YJEFN3: variants seen among roughly 807,000 people sequenced by gnomAD.
YJEFN3 encodes the protein yjeF N-terminal domain-containing protein 3.
Under a neutral mutation model 31.5 loss-of-function variants are expected in YJEFN3, and 29 were observed. The observed-to-expected ratio is 0.92, with a 90% CI of 0.69 to 1.26. The LOEUF (loss-of-function observed/expected upper bound fraction) is 1.26, where lower values mean the gene tolerates loss of function less well. YJEFN3 is among the 50% of genes most tolerant of loss of function. YJEFN3 has a pLI of 0.00. For synonymous variants in YJEFN3, 227 were observed against 196.1 expected, an observed-to-expected ratio of 1.16 and a Z score of -1.32; for missense variants, 442 against 425.4, an observed-to-expected ratio of 1.04 and a Z score of -0.34.
rs1293504043 is a variant in YJEFN3, at chr19:19,533,798, A to G, written c.318+1058A>G. On this transcript the variant is annotated intron_variant, in intron 3 of 6. Transcript: ENST00000514277. ...TCAAAACCCCAGAAAGAAACCCAGT[A>G]GTCACTACTCGCCTGGCGCTCAGTG... 2 of 985,378 alleles carry G rather than the reference A, an allele frequency of 2.0e-6. 1 individual carries two copies. Among genetic ancestry groups the G allele is most frequent in the Middle Eastern group, 1.0e-3 (2 of 1,936 alleles). 61.0% of individuals were successfully genotyped at this position (985,378 alleles called of 1,614,324 possible).
chr19:19,530,833 A>C (rs552453634), intron 2 of YJEFN3, among the ~76,000 whole-genome samples: 86 of 152,250 alleles, frequency 5.6e-4, no homozygotes, highest in African/African-American at 2.0e-3. Context: ...GGGGTGTCCC[A>C]GGGCATGTGA....
intron 2 of YJEFN3, among the ~76,000 whole-genome samples, chr19:19,531,719 T>A (rs1020957928): frequency 2.7e-5 from 1 of 36,784 alleles, no homozygotes; most frequent in African/African-American, 1.9e-4. Context: ...ACAAATAACC[T>A]TTTTTTTTTT....
intron 2 of YJEFN3, among the ~76,000 whole-genome samples, chr19:19,530,148 C>G (rs1351752827): frequency 6.6e-6 from 1 of 152,172 alleles, no homozygotes; most frequent in Non-Finnish European, 1.5e-5. Context: ...AAGCCCCCTC[C>G]TGGAAGCATT....
chr19:19,529,319 A>ACCGAACCCCAACCGTGG, intron 1 of YJEFN3, 45 bp from the exon 2 acceptor site: 6 of 1,553,724 alleles, frequency 3.9e-6, no homozygotes, highest in Non-Finnish European at 5.2e-6. Context: ...TCGCTCCCCC[A>ACCGAACCCCAACCGTGG]CCGAACCCCA....
Position 19,535,533 on chromosome 19 carries a change from A to G in YJEFN3, c.548A>G (p.Gln183Arg), listed in dbSNP as rs768905187. 1 of 1,603,932 alleles carries G rather than the reference A, an allele frequency of 6.2e-7. No individual in the cohort carries two copies. Among genetic ancestry groups the G allele is most frequent in the Non-Finnish European group, 8.5e-7 (1 of 1,173,746 alleles). ...PFLSYLPTEV[Q>R]LINEAYGLVV... ...GACCCTGCCTGCCTTCCCCAGGTGC[A>G]GCTCATTAACGAAGCCTATGGGCTG... Residue 183 changes from glutamine (Q) to arginine (R), a missense_variant, in exon 6 of 7, where the codon CAG (glutamine) becomes CGG (arginine). Gln to Arg is a conservative substitution (Grantham distance 43, BLOSUM62 1). Transcript: ENST00000514277.
At chr19:19,532,222 G>A (rs1283081671) in intron 2 of YJEFN3, among the ~76,000 whole-genome samples, 5 of 152,204 alleles carry the variant, frequency 3.3e-5, no homozygotes, top group African/African-American at 1.2e-4. Flanking sequence ...CTTGTTCCGT[G>A]GCTCCCACTG....
chr19:19,537,466 G>A lies in YJEFN3; in HGVS notation c.842G>A (p.Arg281His). The change falls in exon 7 of 7, where the codon CGC (arginine) becomes CAC (histidine). Residue 281 changes from arginine (R) to histidine (H), a missense_variant. Physicochemically the swap from Arg to His is conservative, Grantham distance 29. Transcript: ENST00000514277. Reference sequence around the variant, plus strand: ...AGGTTCGTGCCCGATGACGTGCGCCGCAAGTTCGCTCTGCGCCTGCCGGGA... The same window carrying A: ...AGGTTCGTGCCCGATGACGTGCGCCACAAGTTCGCTCTGCGCCTGCCGGGA... The part of the protein sequence containing the change: ...AGRFVPDDVR[R>H]KFALRLPGYT... 6 of 1,586,026 alleles carry A rather than the reference G, an allele frequency of 3.8e-6. No homozygotes were observed. Among genetic ancestry groups the A allele is most frequent in the South Asian group, 2.2e-5 (2 of 89,098 alleles).
chr19:19,533,276 T>G (rs570608021), intron 3 of YJEFN3: 1 of 985,928 alleles, frequency 1.0e-6, no homozygotes, highest in Non-Finnish European at 1.2e-6. Context: ...TGCTTCACCG[T>G]GCAGCCAGCA....
chr19:19,529,055 G>T, intron 1 of YJEFN3, 64 bp downstream of exon 1: 1 of 1,540,998 alleles, frequency 6.5e-7, no homozygotes, highest in Non-Finnish European at 8.8e-7. Flanking sequence ...GCAGCCCGTA[G>T]GACCGGAGGC....
intron 3 of YJEFN3, chr19:19,533,640 CCCT>C (rs892528131): frequency 1.4e-5 from 14 of 984,026 alleles, no homozygotes; most frequent in Admixed American, 6.2e-5. Context: ...CCCTCCTCAC[CCCT>C]CCTCCTCTTT....
chr19:19,533,681 T>A (rs1325417377), intron 3 of YJEFN3: 2 of 985,386 alleles, frequency 2.0e-6, no homozygotes, highest in Non-Finnish European at 1.2e-6. Flanking sequence ...GTATACTTTT[T>A]AAAAACTCAA....
rs2061126594 is a variant in YJEFN3 at position 19,529,002 on chromosome 19, G to A, written c.59+11G>A. On this transcript the variant is annotated intron_variant, in intron 1 of 6. Transcript: ENST00000514277. ...GCGGCATTTCCTCAGGTCAGCTGGG[G>A]AGAGGGAAGCTGGAGACGGGCATGG... The A allele has an allele frequency of 1.9e-6, 3 of 1,550,758 alleles. No homozygotes were observed. The African/African-American group carries it at 4.1e-5, about 21-fold the overall frequency.
chr19:19,536,738 G>A (rs1001830420), intron 6 of YJEFN3, among the ~76,000 whole-genome samples: 5 of 152,104 alleles, frequency 3.3e-5, no homozygotes, highest in Admixed American at 3.3e-4. Context: ...TTGGGAGGCC[G>A]AGGTGGGCAG....
chr19:19,528,952 C>G lies in YJEFN3; in HGVS notation c.20C>G (p.Pro7Arg). Residue 7 changes from proline to arginine, a missense_variant, in exon 1 of 7, where the codon CCA (proline) becomes CGA (arginine). Transcript: ENST00000514277. MSSAAG[P>R]DPSEAPEERH... is the part of the protein sequence containing the mutation. ...TCGGCCATGAGCAGCGCAGCCGGCC[C>G]AGACCCGTCGGAGGCGCCCGAAGAG... The G allele has an allele frequency of 6.5e-7, 1 of 1,549,724 alleles. No individual in the cohort carries two copies. Among genetic ancestry groups the G allele is most frequent in the Non-Finnish European group, 8.7e-7 (1 of 1,146,632 alleles).
rs769635060 is a variant in YJEFN3 at position 19,529,531 on chromosome 19, C to G, written c.209+18C>G. 6.8e-6 allele frequency: 11 copies of G among 1,609,564 alleles called. No homozygotes were observed. The African/African-American group carries it at 1.3e-4, about 20-fold the overall frequency. On this transcript the variant is annotated intron_variant, in intron 2 of 6. Coordinates refer to ENST00000514277, the MANE Select transcript of YJEFN3 (RefSeq NM_198537.4). ...TGCCAGAGGTTGGTGAGTTTGGGATCTAGAACTGGCGCCGTGGCTGTGACT... is the reference window on the plus strand; with the variant it reads ...TGCCAGAGGTTGGTGAGTTTGGGATGTAGAACTGGCGCCGTGGCTGTGACT...
chr19:19,530,819 T>G (rs2061148469), intron 2 of YJEFN3, among the ~76,000 whole-genome samples: 1 of 152,196 alleles, frequency 6.6e-6, no homozygotes, highest in Non-Finnish European at 1.5e-5. Context: ...TGGCTCTGTT[T>G]ACTGGGGTGT....
intron 2 of YJEFN3, 150 bp from the exon 3 acceptor site, chr19:19,532,481 TC>T (rs2061167192): frequency 2.0e-6 from 1 of 497,268 alleles, no homozygotes; most frequent in Admixed American, 4.2e-5. Flanking sequence ...ACTGAGGGCA[TC>T]CCCAGCTCAA....
At chr19:19,537,154 G>A (rs572155130) in intron 6 of YJEFN3, among the ~76,000 whole-genome samples, 165 bp from the exon 7 acceptor site, 23 of 151,906 alleles carry the variant, frequency 1.5e-4, no homozygotes, top group Admixed American at 1.5e-3. Context: ...GAAAAGGCTG[G>A]GTCTGATGGG....
intron 3 of YJEFN3, chr19:19,533,437 C>A: frequency 2.0e-6 from 2 of 982,378 alleles, no homozygotes; most frequent in South Asian, 4.7e-5. Context: ...ATCCCCCTCG[C>A]CTTTCTCCTC....
Sources: allele counts gnomAD v4.1 joint callset (sites outside exome capture counted in the v4.1 genomes callset), GRCh38; gene constraint gnomAD v4.1.1; transcripts MANE v1.5; gene names NCBI Gene and HGNC (gene_info 2026-07-23, HGNC 2026-07-21).